Variants in MECOM observed in about 807,000 individuals in gnomAD.
MECOM encodes the protein histone-lysine N-methyltransferase MECOM.
A neutral mutation model predicts 116.3 loss-of-function variants in MECOM; 13 were observed. That is an observed-to-expected ratio of 0.11 (90% confidence interval 0.07 to 0.18). The LOEUF is 0.18. Among genes scored for constraint, MECOM ranks in the 10% least tolerant of loss-of-function variants. The pLI, the probability that MECOM is intolerant of heterozygous loss-of-function variation, is 1.00. For missense variants in MECOM, 1,299 were observed against 1,509.0 expected (o/e 0.86, Z 2.31); for synonymous variants, 528 against 535.2 (o/e 0.99, Z 0.19).
At chr3:169,366,739 C>G (rs967751701) in intron 2 of MECOM, among the ~76,000 whole-genome samples, 11 of 152,006 alleles carry the variant, frequency 7.2e-5, no homozygotes, top group Admixed American at 5.9e-4. Context: ...CTGTGGCTGC[C>G]AACCAGTGAG....
chr3:169,253,484 G>C (rs982067342), intron 2 of MECOM, among the ~76,000 whole-genome samples: 2 of 150,792 alleles, frequency 1.3e-5, no homozygotes, highest in Non-Finnish European at 2.9e-5. Flanking sequence ...CATGACCTTA[G>C]AGTTATATAT....
chr3:169,567,775 A>T (rs541820478), intron 1 of MECOM, among the ~76,000 whole-genome samples: 1 of 152,280 alleles, frequency 6.6e-6, no homozygotes, highest in South Asian at 2.1e-4. Flanking sequence ...AACACTTCTT[A>T]TTTCTTAGAC....
At chr3:169,467,789 C>T (rs1193073694) in intron 1 of MECOM, among the ~76,000 whole-genome samples, 3 of 152,060 alleles carry the variant, frequency 2.0e-5, no homozygotes, top group Admixed American at 6.5e-5. Flanking sequence ...AGCTTTTCAC[C>T]GGCTACAACA....
chr3:169,161,802 CCT>C (rs978266381), intron 2 of MECOM, among the ~76,000 whole-genome samples: 7 of 151,104 alleles, frequency 4.6e-5, no homozygotes, highest in Admixed American at 2.0e-4. Context: ...TCTCTCTCTC[CCT>C]GTCATTCATG....
chr3:169,125,420 C>T (rs1732505510), intron 5 of MECOM, among the ~76,000 whole-genome samples: 1 of 151,936 alleles, frequency 6.6e-6, no homozygotes, highest in African/African-American at 2.4e-5. Flanking sequence ...AATCATAAAC[C>T]CTGAAATCTA....
intron 2 of MECOM, among the ~76,000 whole-genome samples, chr3:169,361,217 C>G (rs1306430651): frequency 6.6e-6 from 1 of 151,850 alleles, no homozygotes; most frequent in Non-Finnish European, 1.5e-5. Context: ...GAAGCCAAAA[C>G]CCCTAGTCCT....
intron 1 of MECOM, among the ~76,000 whole-genome samples, chr3:169,383,089 A>G (rs1732750066): frequency 6.6e-6 from 1 of 152,028 alleles, no homozygotes; most frequent in Non-Finnish European, 1.5e-5. Context: ...GACCTTCATT[A>G]TTCAGATTTA....
intron 1 of MECOM, among the ~76,000 whole-genome samples, chr3:169,502,059 C>T (rs1344533266): frequency 6.6e-6 from 1 of 152,072 alleles, no homozygotes; most frequent in South Asian, 2.1e-4. Context: ...GTGGGAAAAG[C>T]AACATTATTT....
chr3:169,084,821 A>G lies in MECOM; in HGVS notation c.*88T>C. 2 of 1,477,526 alleles carry G rather than the reference A, an allele frequency of 1.4e-6. No homozygotes were observed. The highest frequency in any genetic ancestry group is 1.9e-6 in the Non-Finnish European group (2 of 1,071,200). 91.5% of individuals were successfully genotyped at this position (1,477,526 alleles called of 1,614,324 possible). A position where few individuals can be genotyped will look rare whatever the true frequency, so the allele number is the denominator to read the frequency against. On this transcript the variant is annotated 3_prime_UTR_variant, in exon 17 of 17. Coordinates refer to ENST00000651503, the MANE Select transcript of MECOM (RefSeq NM_004991.4). ...GAGTGACCCTGCAGGTTTATAAGGC[A>G]TTCTGCTCAGCAGTCTTGTAAATAG...
chr3:169,369,944 A>G (rs1729813900), intron 2 of MECOM, among the ~76,000 whole-genome samples: 1 of 152,038 alleles, frequency 6.6e-6, no homozygotes, highest in African/African-American at 2.4e-5. Flanking sequence ...GATAGCTGGT[A>G]GTCTTCCTCC....
intron 1 of MECOM, among the ~76,000 whole-genome samples, chr3:169,532,084 A>G (rs1833340): frequency 0.2 from 29,754 of 152,196 alleles, 3,538 homozygotes; most frequent in Non-Finnish European, 0.27. Flanking sequence ...CCTAGCTTGG[A>G]AATCACATAG....
chr3:169,445,046 T>C (rs1744384346), intron 1 of MECOM, among the ~76,000 whole-genome samples: 1 of 152,196 alleles, frequency 6.6e-6, no homozygotes, highest in South Asian at 2.1e-4. Flanking sequence ...TTGGGTACTG[T>C]TAAAAGCATT....
chr3:169,494,318 C>T (rs74450239), intron 1 of MECOM, among the ~76,000 whole-genome samples: 30,259 of 151,922 alleles, frequency 0.2, 3,565 homozygotes, highest in Non-Finnish European at 0.27. Context: ...GTTGACAGTT[C>T]ACACTGCCCA....
In MECOM at chr3:169,152,366, C is replaced by T. The variant is rs559918409; in HGVS notation, c.376-8534G>A. ...TGGGCCCGACTGAAAGCATGTTAAT[C>T]TCCACCTCAGTAATTTGGTTCTCCA... On this transcript the variant is annotated intron_variant, in intron 2 of 16. Coordinates refer to ENST00000651503, the MANE Select transcript of MECOM (RefSeq NM_004991.4). Among the ~76,000 whole-genome samples, 4 of 152,182 alleles carry T rather than the reference C, an allele frequency of 2.6e-5. No homozygotes were observed. In the South Asian group the frequency reaches 8.3e-4, roughly 32 times the overall value.
chr3:169,205,316 T>G (rs1749773549), intron 2 of MECOM, among the ~76,000 whole-genome samples: 1 of 152,216 alleles, frequency 6.6e-6, no homozygotes, highest in African/African-American at 2.4e-5. Flanking sequence ...TTGAAGATAT[T>G]AATTTACTTT....
At chr3:169,411,966 G>A (rs1737628017) in intron 1 of MECOM, among the ~76,000 whole-genome samples, 1 of 152,038 alleles carries the variant, frequency 6.6e-6, no homozygotes, top group South Asian at 2.1e-4. Context: ...ACTCCAGCCT[G>A]TGCGAAAGAG....
chr3:169,357,007 G>T (rs1027677686), intron 2 of MECOM, among the ~76,000 whole-genome samples: 1 of 151,792 alleles, frequency 6.6e-6, no homozygotes, highest in African/African-American at 2.4e-5. Flanking sequence ...TTCAAAATCT[G>T]CCAAATTTGA....
intron 2 of MECOM, among the ~76,000 whole-genome samples, chr3:169,203,244 A>G (rs1214002901): frequency 1.3e-5 from 2 of 152,248 alleles, no homozygotes; most frequent in African/African-American, 4.8e-5. Flanking sequence ...CATTTTGCCA[A>G]TTGATCAACA....
intron 2 of MECOM, among the ~76,000 whole-genome samples, chr3:169,347,638 C>T (rs1577803371): frequency 6.6e-6 from 1 of 151,842 alleles, no homozygotes; most frequent in Admixed American, 6.6e-5. Flanking sequence ...AGTTATCTAC[C>T]CTTAAATGAA....
Sources: gnomAD v4.1 joint callset for allele counts (sites outside exome capture counted in the v4.1 genomes callset) on GRCh38, gnomAD v4.1.1 for gene constraint, MANE v1.5 for transcripts, NCBI Gene and HGNC (gene_info 2026-07-23, HGNC 2026-07-21) for gene names.